The following EXOC2 variants were observed in gnomAD, a reference collection of about 807,000 sequenced individuals.
EXOC2 encodes SEC5-like 1.
In EXOC2, 70 loss-of-function variants were observed where a neutral mutation model predicts 131.8. That is an observed-to-expected ratio of 0.53 (90% CI 0.44 to 0.65). The LOEUF is 0.65. EXOC2 is among the 30% of genes least tolerant of loss of function. The pLI is 0.00. For synonymous variants in EXOC2, 411 were observed against 398.4 expected (o/e 1.03, Z -0.38); for missense variants, 923 against 1,108.6 (o/e 0.83, Z 2.38).
At chr6:687,171 CTTTT>C (rs762736216) in intron 1 of EXOC2, among the ~76,000 whole-genome samples, 4 of 78,364 alleles carry the variant, frequency 5.1e-5, no homozygotes, top group African/African-American at 1.0e-4. Flanking sequence ...AAATAATATT[CTTTT>C]TTTTTTTTTT....
intron 17 of EXOC2, among the ~76,000 whole-genome samples, chr6:561,953 C>T (rs1292996297): frequency 2.0e-5 from 3 of 152,352 alleles, no homozygotes; most frequent in African/African-American, 7.2e-5. Flanking sequence ...CTGTTGCCAA[C>T]AGGGACAGGC....
chr6:561,322 TAG>T (rs1034368286), intron 17 of EXOC2, among the ~76,000 whole-genome samples: 6 of 152,136 alleles, frequency 3.9e-5, no homozygotes. Flanking sequence ...ACTGGCTGGA[TAG>T]AGAGTCCAAG....
chr6:549,814 TTG>T (rs1165433761), intron 21 of EXOC2, among the ~76,000 whole-genome samples: 1 of 152,206 alleles, frequency 6.6e-6, no homozygotes, highest in Non-Finnish European at 1.5e-5. Flanking sequence ...TAAGAATTGC[TTG>T]TGTTTGCAGA....
At chr6:585,685 C>T (rs954822417) in intron 11 of EXOC2, among the ~76,000 whole-genome samples, 1 of 152,098 alleles carries the variant, frequency 6.6e-6, no homozygotes, top group African/African-American at 2.4e-5. Context: ...AAGCAAAAGT[C>T]TTTGCTTTAA....
At chr6:594,415 A>G in intron 10 of EXOC2, among the ~76,000 whole-genome samples, 1 of 152,152 alleles carries the variant, frequency 6.6e-6, no homozygotes, top group South Asian at 2.1e-4. Context: ...TTGCCTCCCA[A>G]CACCTCTGCA....
Position 580,965 on chromosome 6 carries a change from G to C in EXOC2, c.1193-4083C>G, listed in dbSNP as rs187055484. 5.9e-5 allele frequency among the ~76,000 whole-genome samples: 9 copies of C among 152,228 alleles called. No homozygotes were observed. The East Asian group carries it at 1.7e-3, about 29-fold the overall frequency. ...AATGTGAAAATTATGTCTTAAAATG[G>C]AAATTACATCACAAAAATACTAAAA... On this transcript the variant is annotated intron_variant, in intron 11 of 27. Coordinates refer to ENST00000230449, the MANE Select transcript of EXOC2 (RefSeq NM_018303.6).
chr6:590,464 C>T lies in EXOC2; in HGVS notation c.1192+2005G>A, dbSNP rs78290530. The stretch of plus-strand genomic sequence containing the variant: ...AAACTATGCTAGAAAGAAACAACGG[C>T]GACCTCTCCATTGTACTTCCTTCTC... On this transcript the variant is annotated intron_variant, in intron 11 of 27. Transcript: ENST00000230449. Among the ~76,000 whole-genome samples the T allele has an allele frequency of 1.8e-3, 275 of 152,258 alleles. 4 individuals carry two copies. Among genetic ancestry groups the T allele is most frequent in the African/African-American group, 6.3e-3 (263 of 41,554 alleles).
chr6:645,865 G>T (rs1762557400), intron 1 of EXOC2, among the ~76,000 whole-genome samples: 1 of 152,222 alleles, frequency 6.6e-6, no homozygotes, highest in Non-Finnish European at 1.5e-5. Flanking sequence ...CAAGGACAAG[G>T]TAAGCCTGAA....
intron 1 of EXOC2, among the ~76,000 whole-genome samples, chr6:665,382 T>G (rs571740002): frequency 6.6e-6 from 1 of 152,316 alleles, no homozygotes; most frequent in East Asian, 1.9e-4. Flanking sequence ...TGGAGATTCC[T>G]TAAAGAACTA....
At chr6:580,099 T>G (rs1369893411) in intron 11 of EXOC2, among the ~76,000 whole-genome samples, 1 of 151,262 alleles carries the variant, frequency 6.6e-6, no homozygotes, top group Non-Finnish European at 1.5e-5. Context: ...TGGAGCCCAG[T>G]GGCACAATCT....
Position 678,456 on chromosome 6 carries a change from T to C in EXOC2, c.-44+14563A>G, listed in dbSNP as rs148428919. The stretch of plus-strand genomic sequence containing the variant: ...TCATGCATCAAAAACCAACTGTAAG[T>C]GAATTCGTGGGCCAGGTGCGTCATT... On this transcript the variant is annotated intron_variant, in intron 1 of 27. Transcript: ENST00000230449. 5.9e-3 allele frequency among the ~76,000 whole-genome samples: 903 copies of C among 152,276 alleles called. 8 individuals are homozygous for C. The highest frequency in any genetic ancestry group is 0.02 in the African/African-American group (832 of 41,548).
At chr6:624,120 T>C (rs1761432596) in intron 4 of EXOC2, among the ~76,000 whole-genome samples, 1 of 152,084 alleles carries the variant, frequency 6.6e-6, no homozygotes, top group African/African-American at 2.4e-5. Context: ...ACTGATCTTT[T>C]ATGCAAACAC....
Position 676,145 on chromosome 6 carries a change from C to T in EXOC2, c.-44+16874G>A, listed in dbSNP as rs538881425. On this transcript the variant is annotated intron_variant, in intron 1 of 27. Coordinates refer to ENST00000230449, the MANE Select transcript of EXOC2 (RefSeq NM_018303.6). ...TTCCTCTGGAGACTCTGAGGTTCCC[C>T]ATACTCTTCAACATTACGGAAAGGA... 3.3e-5 allele frequency among the ~76,000 whole-genome samples: 2 copies of T among 60,212 alleles called. 1 individual carries two copies. Among genetic ancestry groups the T allele is most frequent in the Admixed American group, 4.2e-4 (2 of 4,762 alleles). The allele number at this position is 60,212 out of a possible 152,430, so 39.5% of individuals were successfully genotyped here. A position where few individuals can be genotyped will look rare whatever the true frequency, so the allele number is the denominator to read the frequency against.
chr6:613,092 C>T (rs946078772), intron 6 of EXOC2, among the ~76,000 whole-genome samples: 1 of 152,126 alleles, frequency 6.6e-6, no homozygotes, highest in African/African-American at 2.4e-5. Context: ...TGCTAACAAC[C>T]CACAGGTCAC....
chr6:534,989 T>A (rs9504256), intron 22 of EXOC2, among the ~76,000 whole-genome samples: 2,682 of 152,292 alleles, frequency 0.018, 84 homozygotes, highest in African/African-American at 0.06. Flanking sequence ...AGAGAACCAG[T>A]GGCTAGAAAT....
At position 580,032 on chromosome 6, in the gene EXOC2, G is replaced by A. The variant is rs148758856; in HGVS notation, c.1193-3150C>T. ...ACATTACATAAAGCATATGGTGGCC[G>A]GGTGCAGTTTTTTTTGTTTTTTTTT... On this transcript the variant is annotated intron_variant, in intron 11 of 27. Coordinates refer to ENST00000230449, the MANE Select transcript of EXOC2 (RefSeq NM_018303.6). 3.6e-4 allele frequency among the ~76,000 whole-genome samples: 51 copies of A among 142,132 alleles called. No homozygotes were observed. The East Asian group carries it at 9.6e-3, about 27-fold the overall frequency. 93.2% of individuals were successfully genotyped at this position (142,132 alleles called of 152,430 possible). A position where few individuals can be genotyped will look rare whatever the true frequency, so the allele number is the denominator to read the frequency against.
In EXOC2 at chr6:500,101, AAC is replaced by A. The variant is rs370940218; in HGVS notation, c.2381-403_2381-402del. Among the ~76,000 whole-genome samples, 158 of 151,876 alleles carry A rather than the reference AAC, an allele frequency of 1.0e-3. 1 individual carries two copies. Among genetic ancestry groups the A allele is most frequent in the African/African-American group, 3.5e-3 (143 of 41,398 alleles). On this transcript the variant is annotated intron_variant, in intron 23 of 27. Coordinates refer to ENST00000230449, the MANE Select transcript of EXOC2 (RefSeq NM_018303.6). ...ATACGGTAAAACATATATACTGTAAAACACACACACACACTCAGTATAAGCAG... is the reference window on the plus strand; with the variant it reads ...ATACGGTAAAACATATATACTGTAAAACACACACACACTCAGTATAAGCAG...
At chr6:656,131 G>C in intron 1 of EXOC2, 1 of 1,611,314 alleles carries the variant, frequency 6.2e-7, no homozygotes, top group Non-Finnish European at 8.5e-7. Context: ...ATGAAATACT[G>C]AAGAGAGACA....
chr6:504,212 C>A (rs560680093), intron 23 of EXOC2, among the ~76,000 whole-genome samples: 1 of 152,208 alleles, frequency 6.6e-6, no homozygotes, highest in African/African-American at 2.4e-5. Flanking sequence ...GGGGCTGGGA[C>A]GGTGACGTAC....
Sources: gnomAD v4.1 joint callset for allele counts (sites outside exome capture counted in the v4.1 genomes callset) on GRCh38, gnomAD v4.1.1 for gene constraint, MANE v1.5 for transcripts, NCBI Gene and HGNC (gene_info 2026-07-23, HGNC 2026-07-21) for gene names.